DNAH7: variants seen among roughly 807,000 people sequenced by gnomAD.
The protein encoded by DNAH7 is axonemal beta dynein heavy chain 7.
In DNAH7, 397 loss-of-function variants were observed where a neutral mutation model predicts 444.6. The ratio of observed to expected loss-of-function variants is 0.89; its 90% CI spans 0.82 to 0.97. DNAH7 has a LOEUF of 0.97. Ranked by LOEUF, DNAH7 falls within the 50% of genes least tolerant of loss-of-function variation. DNAH7 has a pLI of 0.00. For missense variants in DNAH7, 4,902 were observed against 4,800.8 expected, an observed-to-expected ratio of 1.02 and a Z score of -0.62; for synonymous variants, 1,636 against 1,624.4, an observed-to-expected ratio of 1.01 and a Z score of -0.17.
intron 49 of DNAH7, 38 bp downstream of exon 49, chr2:195,824,217 C>T (rs1697603439): frequency 1.9e-6 from 3 of 1,558,526 alleles, no homozygotes; most frequent in East Asian, 2.3e-5. Flanking sequence ...TCACTAATTA[C>T]AAAATCTGAT....
At chr2:195,890,342 G>A (rs1220172159) in intron 31 of DNAH7, among the ~76,000 whole-genome samples, 3 of 152,104 alleles carry the variant, frequency 2.0e-5, no homozygotes, top group Non-Finnish European at 4.4e-5. Context: ...GTGCAATGGC[G>A]AGACCTTGGG....
Position 195,886,126 on chromosome 2 carries a change from G to A in DNAH7, c.5538+15C>T, listed in dbSNP as rs780545516. 6.2e-7 allele frequency: 1 copy of A among 1,608,322 alleles called. No individual in the cohort carries two copies. The highest frequency in any genetic ancestry group is 2.2e-5 in the East Asian group (1 of 44,678). ...TGTCTTTCTGTAGCAGGATACAGAA[G>A]GCAACGGACCTTACCTCAAGCAAAG... On this transcript the variant is annotated intron_variant, in intron 34 of 64. Transcript: ENST00000312428.
At chr2:195,818,835 C>T (rs760717790) in intron 49 of DNAH7, among the ~76,000 whole-genome samples, 6 of 152,026 alleles carry the variant, frequency 3.9e-5, no homozygotes, top group Non-Finnish European at 7.4e-5. Flanking sequence ...ATGTATACTG[C>T]AGTCTGCCTG....
In DNAH7 at chr2:195,957,448, C is replaced by T. The variant is rs375921681; in HGVS notation, c.2892-1G>A. 8 of 1,530,732 alleles carry T rather than the reference C, an allele frequency of 5.2e-6. No homozygotes were observed. The highest frequency in any genetic ancestry group is 7.1e-6 in the Non-Finnish European group (8 of 1,127,154). The allele number at this position is 1,530,732 out of a possible 1,614,324, so 94.8% of individuals were successfully genotyped here. ...CAGTAGGAGCTTGCCCTCCCATTCT[C>T]TGAGGAGCAAAACACAGTGGCTCTT... On this transcript the variant is annotated splice_acceptor_variant, in intron 18 of 64. Transcript: ENST00000312428. LOFTEE classifies it high-confidence loss of function.
At chr2:195,762,790 AACACCCTACTTT>A (rs1309366395) in intron 61 of DNAH7, among the ~76,000 whole-genome samples, 1 of 152,178 alleles carries the variant, frequency 6.6e-6, no homozygotes, top group South Asian at 2.1e-4. Flanking sequence ...TGGAGACTTC[AACACCCTACTTT>A]CAGCATCAGA....
chr2:195,891,441 G>A (rs1702006305), intron 31 of DNAH7, among the ~76,000 whole-genome samples: 1 of 149,050 alleles, frequency 6.7e-6, no homozygotes, highest in Admixed American at 6.7e-5. Context: ...CCTCTCTTCT[G>A]TATTCCTCCA....
At chr2:195,865,263 TG>T (rs544986400) in intron 40 of DNAH7, among the ~76,000 whole-genome samples, 34 of 152,006 alleles carry the variant, frequency 2.2e-4, no homozygotes, top group African/African-American at 7.7e-4. Flanking sequence ...ATTTTGGGGG[TG>T]GGAGCTGAAG....
At chr2:196,040,826 G>T (rs1328145717) in intron 5 of DNAH7, among the ~76,000 whole-genome samples, 2 of 151,960 alleles carry the variant, frequency 1.3e-5, no homozygotes, top group African/African-American at 2.4e-5. Flanking sequence ...GAAAAAAAAG[G>T]ACTCCACCCA....
rs553845281 is a variant in DNAH7 at position 195,871,930 on chromosome 2, C to CAAAA, written c.6633+316_6633+319dup. Among the ~76,000 whole-genome samples the CAAAA allele has an allele frequency of 6.0e-3, 150 of 24,800 alleles. 66 individuals carry two copies. Among genetic ancestry groups the CAAAA allele is most frequent in the Non-Finnish European group, 0.016 (113 of 6,898 alleles). The allele number at this position is 24,800 out of a possible 152,430, so 16.3% of individuals were successfully genotyped here. A position where few individuals can be genotyped will look rare whatever the true frequency, so the allele number is the denominator to read the frequency against. On this transcript the variant is annotated intron_variant, in intron 40 of 64. Coordinates refer to ENST00000312428, the MANE Select transcript of DNAH7 (RefSeq NM_018897.3). ...TGGGCGACAGAGCGAGACTCCGTCT[C>CAAAA]AAAAAAAAAAAAAAAAAAAAAAAAA... is the stretch of plus-strand genomic sequence containing the variant.
At chr2:195,824,222 T>C in intron 49 of DNAH7, 33 bp downstream of exon 49, 2 of 1,567,530 alleles carry the variant, frequency 1.3e-6, no homozygotes, top group Non-Finnish European at 1.7e-6. Flanking sequence ...AATTACAAAA[T>C]CTGATAAAGA....
At chr2:195,833,906 C>T (rs1698198121) in intron 48 of DNAH7, among the ~76,000 whole-genome samples, 1 of 152,070 alleles carries the variant, frequency 6.6e-6, no homozygotes, top group Non-Finnish European at 1.5e-5. Context: ...AGGCACCCGC[C>T]AGCACACCTG....
At chr2:196,039,554 T>C (rs1324885294) in intron 5 of DNAH7, among the ~76,000 whole-genome samples, 3 of 152,048 alleles carry the variant, frequency 2.0e-5, no homozygotes, top group African/African-American at 4.8e-5. Flanking sequence ...TCCCAGCACT[T>C]TGGGAAGCCA....
At chr2:195,898,112 C>T (rs419784) in intron 28 of DNAH7, among the ~76,000 whole-genome samples, 45,077 of 152,042 alleles carry the variant, frequency 0.3, 9,414 homozygotes, top group African/African-American at 0.59. Flanking sequence ...TAGCAGTAGA[C>T]TGGTCAAATG....
intron 49 of DNAH7, among the ~76,000 whole-genome samples, chr2:195,819,239 C>T (rs1697355552): frequency 6.6e-6 from 1 of 152,114 alleles, no homozygotes; most frequent in Non-Finnish European, 1.5e-5. Flanking sequence ...TGCACTTCCT[C>T]ATAGGGGTCT....
intron 61 of DNAH7, among the ~76,000 whole-genome samples, chr2:195,756,986 T>C (rs1694103156): frequency 6.6e-6 from 1 of 150,918 alleles, no homozygotes; most frequent in African/African-American, 2.4e-5. Flanking sequence ...AGTGAGACCC[T>C]GTCTCAAAAA....
chr2:196,049,671 G>C (rs1480169018), intron 3 of DNAH7, among the ~76,000 whole-genome samples: 1 of 152,122 alleles, frequency 6.6e-6, no homozygotes, highest in Non-Finnish European at 1.5e-5. Flanking sequence ...AAGACTCAAA[G>C]AATGCTGAGG....
rs1268308603 is a variant in DNAH7, at chr2:195,923,784, T to C, written c.3636A>G (p.Thr1212=). The C allele has an allele frequency of 8.1e-6, 13 of 1,614,126 alleles. No individual in the cohort carries two copies. In the Middle Eastern group the frequency reaches 6.6e-4, roughly 82 times the overall value. ...CAATATCATCAATTTGTCTGTTACA[T>C]GTTTTCAAGTATTGCTCAAGAGCCT... The part of the protein sequence containing the change: ...GIKALEQYLK[T]CNRQIDDIVT... Residue 1212 remains threonine, a synonymous_variant, in exon 23 of 65, where the codon ACA becomes ACG. Coordinates refer to ENST00000312428, the MANE Select transcript of DNAH7 (RefSeq NM_018897.3).
chr2:195,987,155 T>C lies in DNAH7; in HGVS notation c.1665A>G (p.Glu555=). ...RLGMFEMHCE[E]LIRALVKRAD... ...CTCGCTTCACCAAAGCTCTGATTAA[T>C]TCCTCACAGTGCATTTCAAACATTC... Residue 555 remains glutamate, a synonymous_variant, in exon 14 of 65, where the codon GAA becomes GAG. Coordinates refer to ENST00000312428, the MANE Select transcript of DNAH7 (RefSeq NM_018897.3). 1.9e-6 allele frequency: 3 copies of C among 1,605,930 alleles called. No homozygotes were observed. The highest frequency in any genetic ancestry group is 1.1e-5 in the South Asian group (1 of 89,398).
chr2:195,745,420 G>T (rs1693336407), intron 63 of DNAH7, among the ~76,000 whole-genome samples: 1 of 152,196 alleles, frequency 6.6e-6, no homozygotes, highest in Non-Finnish European at 1.5e-5. Context: ...AACCAAGTTG[G>T]AAAACACTCT....
Sources: allele counts gnomAD v4.1 joint callset (sites outside exome capture counted in the v4.1 genomes callset), GRCh38; gene constraint gnomAD v4.1.1; transcripts MANE v1.5; gene names NCBI Gene and HGNC (gene_info 2026-07-23, HGNC 2026-07-21).